Variants in RBFOX3 observed in about 807,000 individuals in gnomAD.
RBFOX3 encodes the protein RNA binding protein fox-1 homolog 3.
Under a neutral mutation model 48.7 loss-of-function variants are expected in RBFOX3, and 17 were observed. That is an observed-to-expected ratio of 0.35 (90% CI 0.24 to 0.52). The LOEUF (loss-of-function observed/expected upper bound fraction) is 0.52, where lower values mean the gene tolerates loss of function less well. Among genes scored for constraint, RBFOX3 ranks in the 20% least tolerant of loss-of-function variants. The pLI, the probability that RBFOX3 is intolerant of heterozygous loss-of-function variation, is 0.94. For synonymous variants in RBFOX3, 212 were observed against 209.5 expected, an observed-to-expected ratio of 1.01 and a Z score of -0.10; for missense variants, 382 against 497.5, an observed-to-expected ratio of 0.77 and a Z score of 2.21.
chr17:79,544,010 G>A (rs1401255106), intron 1 of RBFOX3, among the ~76,000 whole-genome samples: 1 of 152,202 alleles, frequency 6.6e-6, no homozygotes, highest in Non-Finnish European at 1.5e-5. Context: ...GAACAGAGGG[G>A]CTTAAACAAC....
chr17:79,428,111 A>G (rs1598647100), intron 2 of RBFOX3, among the ~76,000 whole-genome samples: 1 of 152,032 alleles, frequency 6.6e-6, no homozygotes, highest in South Asian at 2.1e-4. Context: ...GCCGAGACAG[A>G]CTCCGCCTGC....
At chr17:79,273,526 A>G (rs949128957) in intron 3 of RBFOX3, among the ~76,000 whole-genome samples, 1 of 143,918 alleles carries the variant, frequency 6.9e-6, no homozygotes, top group Admixed American at 7.1e-5. Context: ...TGAAATCACC[A>G]AGCCAGGCTT....
chr17:79,561,096 TG>T (rs2092184818), intron 1 of RBFOX3, among the ~76,000 whole-genome samples: 1 of 152,144 alleles, frequency 6.6e-6, no homozygotes, highest in Admixed American at 6.5e-5. Context: ...AAATAGACCT[TG>T]CACTACAGTG....
At position 79,111,631 on chromosome 17, in the gene RBFOX3, C is replaced by T. The variant is rs2031569035; in HGVS notation, c.222+3863G>A. Reference sequence around the variant, plus strand: ...TTGTATTTTTGTAGAGACAGGGTTCCACCATCTTGGCCAGGCTGGTCTGGA... The same window carrying T: ...TTGTATTTTTGTAGAGACAGGGTTCTACCATCTTGGCCAGGCTGGTCTGGA... On this transcript the variant is annotated intron_variant, in intron 5 of 14. Transcript: ENST00000693108. This position sits in a 1 kb window ranked among gnomAD's most constrained non-coding sequence, Gnocchi z 4.2. 6.6e-6 allele frequency among the ~76,000 whole-genome samples: 1 copy of T among 152,172 alleles called. No homozygotes were observed. Among genetic ancestry groups the T allele is most frequent in the African/African-American group, 2.4e-5 (1 of 41,432 alleles).
rs2086272882 is a variant in RBFOX3 at position 79,361,157 on chromosome 17, C to A, written c.-174-53333G>T. ...GAAAGAGGGTGACAGACAGCTGTCA[C>A]CCTCCCTCTGCTAACATCAGGCTGT... On this transcript the variant is annotated intron_variant, in intron 2 of 14. Transcript: ENST00000693108. The surrounding 1 kb of genome is among the most constrained non-coding windows in gnomAD (Gnocchi z 4.5). Among the ~76,000 whole-genome samples, 1 of 152,084 alleles carries A rather than the reference C, an allele frequency of 6.6e-6. No homozygotes were observed. The highest frequency in any genetic ancestry group is 2.4e-5 in the African/African-American group (1 of 41,394).
chr17:79,583,340 G>A (rs1480858591), intron 1 of RBFOX3, among the ~76,000 whole-genome samples: 3 of 152,186 alleles, frequency 2.0e-5, no homozygotes, highest in African/African-American at 7.2e-5. Flanking sequence ...TAGAGAGTGA[G>A]CGCCACGGCA....
intron 14 of RBFOX3, chr17:79,092,237 C>G: frequency 1.0e-6 from 1 of 985,516 alleles, no homozygotes. Flanking sequence ...AGGGCGCTAC[C>G]GCTACTCCCA....
chr17:79,494,448 C>A (rs2081155147), intron 1 of RBFOX3, among the ~76,000 whole-genome samples: 1 of 152,216 alleles, frequency 6.6e-6, no homozygotes, highest in African/African-American at 2.4e-5. Flanking sequence ...AGGCTGGCAC[C>A]CCCTCTTGTT....
intron 3 of RBFOX3, among the ~76,000 whole-genome samples, chr17:79,246,777 G>C (rs1022673973): frequency 6.6e-6 from 1 of 152,226 alleles, no homozygotes; most frequent in African/African-American, 2.4e-5. Flanking sequence ...TGGCTGGACC[G>C]AGGACGCGGC....
At chr17:79,136,963 G>A (rs374384364) in intron 4 of RBFOX3, among the ~76,000 whole-genome samples, 16 of 152,068 alleles carry the variant, frequency 1.1e-4, no homozygotes, top group Admixed American at 8.5e-4. Flanking sequence ...GGGACAGCTT[G>A]TATGGTCCTG....
intron 3 of RBFOX3, among the ~76,000 whole-genome samples, chr17:79,280,239 A>ACACACACGCACACATG (rs1567968651): frequency 1.1e-3 from 8 of 7,606 alleles, no homozygotes; most frequent in African/African-American, 6.8e-3. Flanking sequence ...GCACACATGC[A>ACACACACGCACACATG]CACACACACA....
chr17:79,553,749 G>GTCTC (rs1164746364), intron 1 of RBFOX3, among the ~76,000 whole-genome samples: 13 of 149,676 alleles, frequency 8.7e-5, no homozygotes, highest in South Asian at 2.1e-4. Context: ...TTGAGACAGA[G>GTCTC]TCTCTCTCTC....
intron 14 of RBFOX3, among the ~76,000 whole-genome samples, chr17:79,093,843 G>A (rs1286530158): frequency 1.3e-5 from 2 of 148,782 alleles, no homozygotes; most frequent in South Asian, 2.1e-4. Context: ...ACGCCACGCC[G>A]CGCACCTCCC....
chr17:79,424,796 T>G (rs1555724684), intron 2 of RBFOX3, among the ~76,000 whole-genome samples: 1 of 152,158 alleles, frequency 6.6e-6, no homozygotes, highest in African/African-American at 2.4e-5. Context: ...AAACCTGGCC[T>G]GCCTGGACGG....
At chr17:79,104,014 G>A in intron 7 of RBFOX3, 59 bp downstream of exon 7, 6 of 1,435,520 alleles carry the variant, frequency 4.2e-6, no homozygotes, top group African/African-American at 1.4e-5. Flanking sequence ...CATTTCACAC[G>A]TTAGCCTGGC....
chr17:79,568,445 A>G, intron 1 of RBFOX3, among the ~76,000 whole-genome samples: 1 of 152,328 alleles, frequency 6.6e-6, no homozygotes, highest in South Asian at 2.1e-4. Flanking sequence ...ACTGATAAGT[A>G]TAAAGCAAAT....
At chr17:79,312,351 T>C (rs897762829) in intron 2 of RBFOX3, among the ~76,000 whole-genome samples, 3 of 150,766 alleles carry the variant, frequency 2.0e-5, no homozygotes, top group African/African-American at 7.3e-5. Context: ...CAGCAAGCCA[T>C]GGCCTGACCC....
At chr17:79,419,484 G>A (rs2065898027) in intron 2 of RBFOX3, among the ~76,000 whole-genome samples, 1 of 152,362 alleles carries the variant, frequency 6.6e-6, no homozygotes. Flanking sequence ...GCTCACAATG[G>A]TTGCCTGTGT....
intron 3 of RBFOX3, among the ~76,000 whole-genome samples, chr17:79,276,558 G>T (rs376439935): frequency 2.0e-5 from 3 of 152,026 alleles, no homozygotes; most frequent in East Asian, 3.9e-4. Context: ...GGTGGTGGGC[G>T]CCTGTAATCC....
Sources: gnomAD v4.1 joint callset for allele counts (sites outside exome capture counted in the v4.1 genomes callset) on GRCh38, gnomAD v4.1.1 for gene constraint, Gnocchi (gnomAD v3.1) non-coding constraint, MANE v1.5 for transcripts, NCBI Gene and HGNC (gene_info 2026-07-23, HGNC 2026-07-21) for gene names.